Variants in LAP3 observed in about 807,000 individuals in gnomAD.
The protein encoded by LAP3 is leucine aminopeptidase 3.
A neutral mutation model predicts 58.8 loss-of-function variants in LAP3; 46 were observed. The observed-to-expected ratio is 0.78, with a 90% confidence interval of 0.62 to 1.00. The LOEUF is 1.00. LAP3 is among the 50% of genes least tolerant of loss of function. The pLI, the probability that LAP3 is intolerant of heterozygous loss-of-function variation, is 0.00. For synonymous variants in LAP3, 257 were observed against 237.7 expected (o/e 1.08, Z -0.75); for missense variants, 615 against 659.1 (o/e 0.93, Z 0.73).
chr4:17,606,873 C>G lies in LAP3; in HGVS notation c.1305C>G (p.Phe435Leu), dbSNP rs373038748. 1.4e-5 allele frequency: 23 copies of G among 1,613,370 alleles called. No individual in the cohort carries two copies. Among genetic ancestry groups the G allele is most frequent in the Non-Finnish European group, 1.9e-5 (22 of 1,179,952 alleles). ...ACCGTGTCTGGAGGATGCCTCTCTT[C>G]GAACATTATACAAGACAGGTTGTAG... ...TGDRVWRMPL[F>L]EHYTRQVVDC... The change falls in exon 12 of 13, where the codon TTC becomes TTG. Residue 435 changes from phenylalanine to leucine, a missense_variant. Transcript: ENST00000226299.
In LAP3 at chr4:17,604,686, T is replaced by C. The variant is rs918113841; in HGVS notation, c.1260+19T>C. On this transcript the variant is annotated intron_variant, in intron 11 of 12. Coordinates refer to ENST00000226299, the MANE Select transcript of LAP3 (RefSeq NM_015907.3). ...CTTCGAGGTAGGAATAATATTTGTATATCTAAATTGTAGAGATGGTGAATA... is the reference window on the plus strand; with the variant it reads ...CTTCGAGGTAGGAATAATATTTGTACATCTAAATTGTAGAGATGGTGAATA... 9 of 1,531,814 alleles carry C rather than the reference T, an allele frequency of 5.9e-6. No homozygotes were observed. The Admixed American group carries it at 8.3e-5, about 14-fold the overall frequency. The allele number at this position is 1,531,814 out of a possible 1,614,324, so 94.9% of individuals were successfully genotyped here.
At chr4:17,580,780 G>T (rs1450096040) in intron 2 of LAP3, among the ~76,000 whole-genome samples, 1 of 152,144 alleles carries the variant, frequency 6.6e-6, no homozygotes, top group Non-Finnish European at 1.5e-5. Context: ...GTCTCCATGG[G>T]GCTGGAGATC....
chr4:17,605,002 G>T (rs551609973), intron 11 of LAP3, among the ~76,000 whole-genome samples: 25 of 152,016 alleles, frequency 1.6e-4, no homozygotes, highest in Non-Finnish European at 2.8e-4. Flanking sequence ...ACTGCGTGTC[G>T]TGAGTCATAT....
At chr4:17,603,693 T>C (rs2109024319) in intron 10 of LAP3, among the ~76,000 whole-genome samples, 1 of 151,828 alleles carries the variant, frequency 6.6e-6, no homozygotes, top group East Asian at 1.9e-4. Flanking sequence ...TTTGTATTTT[T>C]AGTAGAGACA....
intron 6 of LAP3, chr4:17,585,381 C>T (rs1017113190): frequency 2.4e-5 from 7 of 291,246 alleles, no homozygotes; most frequent in African/African-American, 1.5e-4. Context: ...CTGTGTTATT[C>T]AGACACAATT....
chr4:17,588,714 AAG>A, intron 6 of LAP3, 103 bp from the exon 7 acceptor site: 1 of 1,076,152 alleles, frequency 9.3e-7, no homozygotes, highest in South Asian at 1.7e-5. Flanking sequence ...CGTATACTTT[AAG>A]AGTTTGTATA....
chr4:17,584,775 T>C, intron 5 of LAP3, 197 bp from the exon 6 acceptor site: 1 of 490,344 alleles, frequency 2.0e-6, no homozygotes, highest in Non-Finnish European at 3.6e-6. Context: ...TGTGGCCATG[T>C]TTTCTAGCTT....
chr4:17,577,599 G>T, intron 1 of LAP3, 32 bp downstream of exon 1: 4 of 1,495,684 alleles, frequency 2.7e-6, no homozygotes, highest in East Asian at 2.6e-5. Context: ...ATGGTCCGCC[G>T]CTGGGGCCCT....
intron 1 of LAP3, among the ~76,000 whole-genome samples, chr4:17,577,953 G>A (rs753571946): frequency 6.6e-6 from 1 of 152,234 alleles, no homozygotes; most frequent in African/African-American, 2.4e-5. Flanking sequence ...AGGTCCCAGA[G>A]TCACAGGGCT....
intron 3 of LAP3, 105 bp downstream of exon 3, chr4:17,581,919 G>C (rs1713374614): frequency 1.1e-6 from 1 of 944,816 alleles, no homozygotes; most frequent in African/African-American, 1.6e-5. Context: ...TGGATTGTAT[G>C]ATTTTATTCC....
chr4:17,598,233 A>C (rs961216778), intron 9 of LAP3, among the ~76,000 whole-genome samples: 2 of 152,180 alleles, frequency 1.3e-5, no homozygotes, highest in African/African-American at 4.8e-5. Context: ...TCCTGGGCTC[A>C]AGCTGTCTGC....
chr4:17,598,536 C>G lies in LAP3; in HGVS notation c.1158C>G (p.Ile386Met). The change falls in exon 10 of 13, where the codon ATC becomes ATG. Residue 386 changes from isoleucine (I) to methionine (M), a missense_variant. Ile to Met is a conservative substitution (Grantham distance 10). Transcript: ENST00000226299. The stretch of plus-strand genomic sequence containing the variant: ...CACACACGTTTAACCCGAAGGTCAT[C>G]CTCAATGCCGCCACCTTAACAGGTC... ...CYAHTFNPKVILNAATLTGAM... is the reference protein window; with the variant it reads ...CYAHTFNPKVMLNAATLTGAM... The G allele has an allele frequency of 6.2e-7, 1 of 1,613,886 alleles. No homozygotes were observed. Among genetic ancestry groups the G allele is most frequent in the Non-Finnish European group, 8.5e-7 (1 of 1,179,764 alleles).
chr4:17,599,540 A>G (rs1353727324), intron 10 of LAP3, among the ~76,000 whole-genome samples: 1 of 152,134 alleles, frequency 6.6e-6, no homozygotes, highest in Non-Finnish European at 1.5e-5. Context: ...CTCTTAAAAA[A>G]TAAAATAAAA....
chr4:17,594,237 G>C (rs556574757), intron 7 of LAP3, among the ~76,000 whole-genome samples: 35 of 152,344 alleles, frequency 2.3e-4, no homozygotes, highest in African/African-American at 7.7e-4. Flanking sequence ...GAGGCCTGCA[G>C]ATAAATGTGG....
In LAP3 at chr4:17,582,269, T is replaced by C. The variant is rs1283804738; in HGVS notation, c.274-19T>C. ...CTTGAAAGAAATAAAGTGGTTGATT[T>C]GGTGTATCTGTGGGACAGGACTTCC... On this transcript the variant is annotated intron_variant, in intron 3 of 12. Coordinates refer to ENST00000226299, the MANE Select transcript of LAP3 (RefSeq NM_015907.3). The C allele has an allele frequency of 2.5e-6, 4 of 1,594,284 alleles. No individual in the cohort carries two copies. The African/African-American group carries it at 5.4e-5, about 21-fold the overall frequency.
At chr4:17,599,056 A>G (rs1274955897) in intron 10 of LAP3, among the ~76,000 whole-genome samples, 2 of 151,960 alleles carry the variant, frequency 1.3e-5, no homozygotes, top group East Asian at 3.9e-4. Context: ...ATATTTTAGT[A>G]GAGATGGGGT....
intron 7 of LAP3, among the ~76,000 whole-genome samples, chr4:17,591,512 G>GT (rs1288423293): frequency 1.3e-5 from 2 of 152,152 alleles, no homozygotes; most frequent in African/African-American, 4.8e-5. Flanking sequence ...GTTAATTTAA[G>GT]TCCACATTTG....
intron 6 of LAP3, among the ~76,000 whole-genome samples, chr4:17,586,903 C>T (rs558346285): frequency 6.6e-6 from 1 of 152,282 alleles, no homozygotes; most frequent in Non-Finnish European, 1.5e-5. Context: ...GTCAGGAATT[C>T]AAGACCAGCC....
intron 1 of LAP3, among the ~76,000 whole-genome samples, chr4:17,579,102 C>G (rs183126883): frequency 1.3e-5 from 2 of 152,150 alleles, no homozygotes; most frequent in Admixed American, 6.5e-5. Context: ...CCTGAAGAAG[C>G]GTTGGGCCCA....
Sources: allele counts gnomAD v4.1 joint callset (sites outside exome capture counted in the v4.1 genomes callset), GRCh38; gene constraint gnomAD v4.1.1; transcripts MANE v1.5; gene names NCBI Gene and HGNC (gene_info 2026-07-23, HGNC 2026-07-21).